SLC16A10: variants seen among roughly 807,000 people sequenced by gnomAD.
SLC16A10 encodes monocarboxylate transporter 10.
A neutral mutation model predicts 40.0 loss-of-function variants in SLC16A10; 27 were observed. The observed-to-expected ratio is 0.67, with a 90% CI of 0.50 to 0.93. SLC16A10 has a LOEUF of 0.93. Among genes scored for constraint, SLC16A10 ranks in the 40% least tolerant of loss-of-function variants. The probability of loss-of-function intolerance (pLI) is 0.00; values close to 1 mark genes in which losing one functional copy is unlikely to be tolerated. For missense variants in SLC16A10, 529 were observed against 658.2 expected (o/e 0.80, Z 2.15); for synonymous variants, 213 against 249.8 (o/e 0.85, Z 1.39).
intron 1 of SLC16A10, among the ~76,000 whole-genome samples, chr6:111,100,752 A>G (rs1771161053): frequency 6.6e-6 from 1 of 151,996 alleles, no homozygotes; most frequent in South Asian, 2.1e-4. Flanking sequence ...CTTAAAGAAT[A>G]CACTCTCCTT....
chr6:111,115,028 T>C (rs927930990), intron 1 of SLC16A10, among the ~76,000 whole-genome samples: 4 of 151,746 alleles, frequency 2.6e-5, no homozygotes, highest in African/African-American at 9.7e-5. Context: ...GTGGATTCTA[T>C]TTTTTTTAAA....
At chr6:111,151,678 C>T (rs780148619) in intron 1 of SLC16A10, among the ~76,000 whole-genome samples, 3 of 152,266 alleles carry the variant, frequency 2.0e-5, no homozygotes, top group Admixed American at 6.5e-5. Flanking sequence ...GAATAAAGTC[C>T]GTATTTCTTG....
intron 1 of SLC16A10, among the ~76,000 whole-genome samples, chr6:111,144,694 G>T (rs1204499566): frequency 6.6e-6 from 1 of 152,048 alleles, no homozygotes; most frequent in Non-Finnish European, 1.5e-5. Flanking sequence ...AAACTTTTGG[G>T]GTAATAAATA....
intron 1 of SLC16A10, among the ~76,000 whole-genome samples, chr6:111,102,601 C>T (rs1031081876): frequency 2.0e-5 from 3 of 152,172 alleles, no homozygotes; most frequent in African/African-American, 7.2e-5. Context: ...TCACCTGACA[C>T]ATCTTGGCAG....
rs977265373 is a variant in SLC16A10 at position 111,109,832 on chromosome 6, T to C, written c.343+21737T>C. 2.0e-5 allele frequency among the ~76,000 whole-genome samples: 3 copies of C among 152,352 alleles called. No homozygotes were observed. In the East Asian group the frequency reaches 5.8e-4, roughly 29 times the overall value. ...TTGCCTATTATGAATAGAACTGCTATGAACATTTGTATGCAAACCTTTGTT... is the reference window on the plus strand; with the variant it reads ...TTGCCTATTATGAATAGAACTGCTACGAACATTTGTATGCAAACCTTTGTT... On this transcript the variant is annotated intron_variant, in intron 1 of 5. Coordinates refer to ENST00000368851, the MANE Select transcript of SLC16A10 (RefSeq NM_018593.5).
intron 1 of SLC16A10, among the ~76,000 whole-genome samples, chr6:111,153,351 A>G (rs939296913): frequency 1.3e-5 from 2 of 152,148 alleles, no homozygotes; most frequent in Non-Finnish European, 2.9e-5. Flanking sequence ...CCTGGGCAAC[A>G]TGGTGAAACC....
rs1479840781 is a variant in SLC16A10 at position 111,177,374 on chromosome 6, G to A, written c.651G>A (p.Leu217=). Residue 217 remains leucine (L), a synonymous_variant, in exon 3 of 6, where the codon CTG becomes CTA. Coordinates refer to ENST00000368851, the MANE Select transcript of SLC16A10 (RefSeq NM_018593.5). ...TAGSSVFTIL[L]PLLLRVLIDS... is the part of the protein sequence containing the mutation. ...GCAGCAGTGTCTTCACAATCCTGCT[G>A]CCTTTGCTCTTAAGGGTTCTGATTG... The A allele has an allele frequency of 1.9e-6, 3 of 1,613,916 alleles. No homozygotes were observed. The highest frequency in any genetic ancestry group is 2.2e-5 in the South Asian group (2 of 91,042).
intron 1 of SLC16A10, among the ~76,000 whole-genome samples, chr6:111,165,316 C>T (rs1217457027): frequency 6.6e-6 from 1 of 152,010 alleles, no homozygotes; most frequent in African/African-American, 2.4e-5. Flanking sequence ...CCAGGGAGTC[C>T]CAGGCCATCA....
chr6:111,145,405 T>G (rs765201724), intron 1 of SLC16A10, among the ~76,000 whole-genome samples: 2 of 152,102 alleles, frequency 1.3e-5, no homozygotes, highest in South Asian at 4.2e-4. Context: ...TGTCTCAAAA[T>G]AAATAGATAG....
intron 1 of SLC16A10, among the ~76,000 whole-genome samples, chr6:111,132,251 A>G (rs1017542797): frequency 6.6e-6 from 1 of 152,000 alleles, no homozygotes. Flanking sequence ...AGGGAGTCAA[A>G]GAGAAAAAGA....
chr6:111,228,124 A>G lies in SLC16A10; in HGVS notation c.*5889A>G, dbSNP rs1179143559. ...CTTAGATTCTAAATTAGACACACTC[A>G]GATTCTAATGAACACTTAGAATGCT... is the stretch of plus-strand genomic sequence containing the variant. On this transcript the variant is annotated 3_prime_UTR_variant, in exon 6 of 6. Coordinates refer to ENST00000368851, the MANE Select transcript of SLC16A10 (RefSeq NM_018593.5). 1 of 152,234 alleles carries G rather than the reference A, an allele frequency of 6.6e-6. No homozygotes were observed. The allele number at this position is 152,234 out of a possible 1,614,324, so 9.4% of individuals were successfully genotyped here.
intron 3 of SLC16A10, among the ~76,000 whole-genome samples, chr6:111,202,254 T>C (rs1773179784): frequency 6.6e-6 from 1 of 152,086 alleles, no homozygotes; most frequent in Non-Finnish European, 1.5e-5. Context: ...GGGTGGAGGA[T>C]TGCTTAAGCC....
intron 1 of SLC16A10, among the ~76,000 whole-genome samples, chr6:111,148,372 A>G (rs915230925): frequency 3.9e-5 from 6 of 152,174 alleles, no homozygotes; most frequent in African/African-American, 7.2e-5. Context: ...ACTTCTTGCT[A>G]TTCAATAGTA....
chr6:111,178,104 G>C (rs554391995), intron 3 of SLC16A10, among the ~76,000 whole-genome samples: 1 of 152,306 alleles, frequency 6.6e-6, no homozygotes, highest in African/African-American at 2.4e-5. Context: ...ACATTTGATA[G>C]GTCTCTTTTT....
intron 3 of SLC16A10, among the ~76,000 whole-genome samples, chr6:111,179,563 G>T (rs1772751828): frequency 6.6e-6 from 1 of 152,132 alleles, no homozygotes; most frequent in Non-Finnish European, 1.5e-5. Flanking sequence ...TATGCCTAAG[G>T]AAATTTAATA....
At position 111,182,021 on chromosome 6, in the gene SLC16A10, C is replaced by T. The variant is rs184798798; in HGVS notation, c.942+4356C>T. On this transcript the variant is annotated intron_variant, in intron 3 of 5. Transcript: ENST00000368851. ...TTTTTGTTTTCGTTTTTTTTTGAGA[C>T]GGAGTCTTGCTCTGTCTCCCAGGCT... Among the ~76,000 whole-genome samples the T allele has an allele frequency of 1.3e-3, 193 of 150,896 alleles. 1 individual carries two copies. Among genetic ancestry groups the T allele is most frequent in the African/African-American group, 4.3e-3 (175 of 41,146 alleles).
chr6:111,206,464 A>G, intron 3 of SLC16A10, 128 bp from the exon 4 acceptor site: 1 of 890,660 alleles, frequency 1.1e-6, no homozygotes, highest in East Asian at 2.6e-5. Context: ...AGTTTCATAA[A>G]TATTGAAATT....
intron 1 of SLC16A10, among the ~76,000 whole-genome samples, chr6:111,123,756 C>T (rs1562404173): frequency 1.3e-5 from 2 of 152,108 alleles, no homozygotes; most frequent in Non-Finnish European, 2.9e-5. Context: ...CTTTGTCTTC[C>T]GTAATAGTAA....
At chr6:111,146,759 C>T (rs1445735797) in intron 1 of SLC16A10, among the ~76,000 whole-genome samples, 3 of 151,776 alleles carry the variant, frequency 2.0e-5, no homozygotes, top group Non-Finnish European at 4.4e-5. Context: ...GATATATACA[C>T]AGAAAAACTT....
Sources: allele counts gnomAD v4.1 joint callset (sites outside exome capture counted in the v4.1 genomes callset), GRCh38; gene constraint gnomAD v4.1.1; transcripts MANE v1.5; gene names NCBI Gene and HGNC (gene_info 2026-07-23, HGNC 2026-07-21).